FGF6: variants seen among roughly 807,000 people sequenced by gnomAD.
FGF6 encodes the protein FGF-6.
In FGF6, 14 loss-of-function variants were observed where a neutral mutation model predicts 18.4. That is an observed-to-expected ratio of 0.76 (90% CI 0.50 to 1.19). The LOEUF is 1.19. Ranked by LOEUF, FGF6 falls within the 50% of genes most tolerant of loss-of-function variation. FGF6 has a pLI of 0.00. For synonymous variants in FGF6, 125 were observed against 116.7 expected (o/e 1.07, Z -0.46); for missense variants, 266 against 271.6 (o/e 0.98, Z 0.15).
Position 4,434,469 on chromosome 12 carries a change from G to A in FGF6, c.451-78C>T, listed in dbSNP as rs1445479735. 5.0e-6 allele frequency: 7 copies of A among 1,399,992 alleles called. No homozygotes were observed. The East Asian group carries it at 1.4e-4, about 27-fold the overall frequency. 86.7% of individuals were successfully genotyped at this position (1,399,992 alleles called of 1,614,324 possible). ...GCAGATGCCAGCTGGGCCGCAGAGA[G>A]TAGGCCCCTCTGCCAGGTGCCCTTC... On this transcript the variant is annotated intron_variant, in intron 2 of 2. Coordinates refer to ENST00000228837, the MANE Select transcript of FGF6 (RefSeq NM_020996.3).
At position 4,444,198 on chromosome 12, in the gene FGF6, T is replaced by G. The variant is rs1865728671; in HGVS notation, c.385A>C (p.Ser129Arg). ...AGGGCACTTCTCACTCCAAAGAGAC[T>G]CACCACGCCTCGCTCCACAGTGGAA... is the stretch of plus-strand genomic sequence containing the variant. ...EISTVERGVV[S>R]LFGVRSALFV... is the part of the protein sequence containing the mutation. The change falls in exon 2 of 3, where the codon AGT (serine) becomes CGT (arginine). Residue 129 changes from serine (S) to arginine (R), a missense_variant. Coordinates refer to ENST00000228837, the MANE Select transcript of FGF6 (RefSeq NM_020996.3). 6.2e-7 allele frequency: 1 copy of G among 1,613,760 alleles called. No homozygotes were observed. Among genetic ancestry groups the G allele is most frequent in the Admixed American group, 1.7e-5 (1 of 59,986 alleles).
At chr12:4,438,751 C>CAAA (rs386375443) in intron 2 of FGF6, among the ~76,000 whole-genome samples, 2,541 of 39,678 alleles carry the variant, frequency 0.064, 832 homozygotes, top group Admixed American at 0.13. Context: ...GACTCTATCT[C>CAAA]AAAAAAAAAA....
rs147421559 is a variant in FGF6, at chr12:4,434,258, A to G, written c.584T>C (p.Val195Ala). 6.9e-5 allele frequency: 112 copies of G among 1,614,004 alleles called. No individual in the cohort carries two copies. Among genetic ancestry groups the G allele is most frequent in the Non-Finnish European group, 9.3e-5 (110 of 1,180,038 alleles). Residue 195 changes from valine (V) to alanine (A), a missense_variant, in exon 3 of 3, where the codon GTG becomes GCG. Val to Ala is a moderately conservative substitution (Grantham distance 64). Transcript: ENST00000228837. ...KYGRVKRGSK[V>A]SPIMTVTHFL... ...ATGAGTGACAGTCATGATCGGGGAC[A>G]CCTTGCTGCCCCGCTTTACCCGTCC...
rs2241285 is a variant in FGF6, at chr12:4,435,226, G to A, written c.451-835C>T. Among the ~76,000 whole-genome samples, 777 of 152,140 alleles carry A rather than the reference G, an allele frequency of 5.1e-3. 37 individuals carry two copies. In the East Asian group the frequency reaches 0.1, roughly 20 times the overall value. ...CTGGGCTGTACAGCAGGAGGTGAGC[G>A]GTGGGTGAGCGAAGCTTCATTTGTT... On this transcript the variant is annotated intron_variant, in intron 2 of 2. Transcript: ENST00000228837.
At chr12:4,443,262 G>C (rs1303834621) in intron 2 of FGF6, among the ~76,000 whole-genome samples, 1 of 152,030 alleles carries the variant, frequency 6.6e-6, no homozygotes, top group African/African-American at 2.4e-5. Flanking sequence ...ATCCTCCAAG[G>C]GGCAGTAGAT....
chr12:4,439,090 A>G (rs1447626301), intron 2 of FGF6, among the ~76,000 whole-genome samples: 2 of 152,210 alleles, frequency 1.3e-5, no homozygotes, highest in Non-Finnish European at 2.9e-5. Flanking sequence ...GAGACTTTCC[A>G]TAGAATATTC....
In FGF6 at chr12:4,445,126, T is replaced by A; in HGVS notation, c.346+99A>T. 1 of 1,033,414 alleles carries A rather than the reference T, an allele frequency of 9.7e-7. No homozygotes were observed. Among genetic ancestry groups the A allele is most frequent in the Non-Finnish European group, 1.4e-6 (1 of 713,536 alleles). 64.0% of individuals were successfully genotyped at this position (1,033,414 alleles called of 1,614,324 possible). A position where few individuals can be genotyped will look rare whatever the true frequency, so the allele number is the denominator to read the frequency against. ...TGGTGAGCAGCATTTCTGCCCCCTT[T>A]ATCGTGCATCCTGTCCGCTAGAGCA... is the stretch of plus-strand genomic sequence containing the variant. On this transcript the variant is annotated intron_variant, in intron 1 of 2. Coordinates refer to ENST00000228837, the MANE Select transcript of FGF6 (RefSeq NM_020996.3). The surrounding 1 kb of genome is among the most constrained non-coding windows in gnomAD (Gnocchi z 5.5).
rs73035685 is a variant in FGF6 at position 4,437,541 on chromosome 12, C to T, written c.451-3150G>A. On this transcript the variant is annotated intron_variant, in intron 2 of 2. Coordinates refer to ENST00000228837, the MANE Select transcript of FGF6 (RefSeq NM_020996.3). ...GTGGGCAAGCTTGGGAGCAGCAGCA[C>T]CAGGAAAAATTCAGCTCAGAACTGA... Among the ~76,000 whole-genome samples the T allele has an allele frequency of 2.0e-3, 307 of 152,162 alleles. 1 individual carries two copies. The highest frequency in any genetic ancestry group is 3.7e-3 in the Non-Finnish European group (253 of 68,008).
rs373272192 is a variant in FGF6 at position 4,445,314 on chromosome 12, C to T, written c.257G>A (p.Arg86Gln). The part of the protein sequence containing the change: ...SGYLVGIKRQ[R>Q]RLYCNVGIGF... Reference sequence around the variant, plus strand: ...GATGCCCACGTTGCAGTAGAGCCTCCGCTGCCGCTTGATCCCCACCAAATA... The same window carrying T: ...GATGCCCACGTTGCAGTAGAGCCTCTGCTGCCGCTTGATCCCCACCAAATA... The change falls in exon 1 of 3, where the codon CGG becomes CAG. Residue 86 changes from arginine to glutamine, a missense_variant. Arg to Gln is a conservative substitution (Grantham distance 43). Transcript: ENST00000228837. The surrounding 1 kb of genome is among the most constrained non-coding windows in gnomAD (Gnocchi z 5.5). 21 of 1,614,098 alleles carry T rather than the reference C, an allele frequency of 1.3e-5. No homozygotes were observed. The highest frequency in any genetic ancestry group is 2.2e-5 in the South Asian group (2 of 91,090).
At chr12:4,441,317 A>G (rs1210198051) in intron 2 of FGF6, among the ~76,000 whole-genome samples, 1 of 152,186 alleles carries the variant, frequency 6.6e-6, no homozygotes, top group African/African-American at 2.4e-5. Context: ...CAGGAACTGG[A>G]ACTCGGGTCG....
In FGF6 at chr12:4,438,032, A is replaced by G. The variant is rs7961623; in HGVS notation, c.451-3641T>C. On this transcript the variant is annotated intron_variant, in intron 2 of 2. Coordinates refer to ENST00000228837, the MANE Select transcript of FGF6 (RefSeq NM_020996.3). ...GGATGAAAATACATACAATACACAT[A>G]TGTCAAAGAATACATTTTGTTACTA... is the stretch of plus-strand genomic sequence containing the variant. 7.7e-3 allele frequency among the ~76,000 whole-genome samples: 1,172 copies of G among 152,332 alleles called. 13 individuals are homozygous for G. The highest frequency in any genetic ancestry group is 0.026 in the African/African-American group (1,071 of 41,570).
chr12:4,442,945 A>T (rs542702211), intron 2 of FGF6, among the ~76,000 whole-genome samples: 6 of 152,332 alleles, frequency 3.9e-5, no homozygotes, highest in Admixed American at 3.9e-4. Context: ...TTCCAGGCCC[A>T]CACGCCAGCT....
chr12:4,442,324 G>A (rs1037267751), intron 2 of FGF6, among the ~76,000 whole-genome samples: 2 of 152,076 alleles, frequency 1.3e-5, no homozygotes, highest in African/African-American at 4.8e-5. Flanking sequence ...TTCTCTGATG[G>A]TTAAATCGTA....
chr12:4,434,297 G>C lies in FGF6; in HGVS notation c.545C>G (p.Ala182Gly). The part of the protein sequence containing the change: ...ESDLYQGTYI[A>G]LSKYGRVKRG... ...CTTTACCCGTCCGTATTTGCTCAGG[G>C]CAATGTAGGTCCCTTGGTACAAGTC... The change falls in exon 3 of 3, where the codon GCC (alanine) becomes GGC (glycine). Residue 182 changes from alanine to glycine, a missense_variant. By Grantham distance (60) the Ala-to-Gly change is moderately conservative. Coordinates refer to ENST00000228837, the MANE Select transcript of FGF6 (RefSeq NM_020996.3). The C allele has an allele frequency of 1.9e-6, 3 of 1,614,194 alleles. No individual in the cohort carries two copies. Among genetic ancestry groups the C allele is most frequent in the Non-Finnish European group, 1.7e-6 (2 of 1,180,024 alleles).
At chr12:4,444,370 T>C in intron 1 of FGF6, 134 bp from the exon 2 acceptor site, 2 of 623,316 alleles carry the variant, frequency 3.2e-6, no homozygotes, top group South Asian at 2.0e-5. Flanking sequence ...CCATGATCCC[T>C]CTAACTCTAG....
intron 2 of FGF6, among the ~76,000 whole-genome samples, chr12:4,442,561 T>C (rs1378029828): frequency 6.6e-6 from 1 of 151,756 alleles, no homozygotes; most frequent in Non-Finnish European, 1.5e-5. Context: ...TGCTAAAACG[T>C]CCCTTGCTTG....
In FGF6 at chr12:4,434,168, A is replaced by G. The variant is rs751961397; in HGVS notation, c.*47T>C. 1.8e-5 allele frequency: 28 copies of G among 1,598,154 alleles called. No homozygotes were observed. The Middle Eastern group carries it at 1.2e-3, about 71-fold the overall frequency. On this transcript the variant is annotated 3_prime_UTR_variant, in exon 3 of 3. Transcript: ENST00000228837. ...AATTCTTCGCTGGTGCAAAATTTCA[A>G]TCGAACAGATGATGCTTTAAATCTG...
At chr12:4,443,671 C>T (rs1298596760) in intron 2 of FGF6, among the ~76,000 whole-genome samples, 2 of 152,216 alleles carry the variant, frequency 1.3e-5, no homozygotes, top group Admixed American at 6.5e-5. Context: ...TCTCAGCACA[C>T]TGATGAGGAT....
intron 2 of FGF6, among the ~76,000 whole-genome samples, chr12:4,441,199 G>T (rs1474938816): frequency 6.6e-6 from 1 of 152,200 alleles, no homozygotes; most frequent in African/African-American, 2.4e-5. Flanking sequence ...GACCAAGGGG[G>T]CTAGAATTCA....
Sources: gnomAD v4.1 joint callset for allele counts (sites outside exome capture counted in the v4.1 genomes callset) on GRCh38, gnomAD v4.1.1 for gene constraint, Gnocchi (gnomAD v3.1) non-coding constraint, MANE v1.5 for transcripts, NCBI Gene and HGNC (gene_info 2026-07-23, HGNC 2026-07-21) for gene names.